The following TRPS1 variants were observed in gnomAD, a reference collection of about 807,000 sequenced individuals.
The protein encoded by TRPS1 is transcriptional repressor GATA binding 1.
Under a neutral mutation model 101.2 loss-of-function variants are expected in TRPS1, and 6 were observed. The observed-to-expected ratio is 0.06, with a 90% CI of 0.03 to 0.12. TRPS1 has a LOEUF of 0.12. Among genes scored for constraint, TRPS1 ranks in the 10% least tolerant of loss-of-function variants. The probability of loss-of-function intolerance (pLI) is 1.00; values close to 1 mark genes in which losing one functional copy is unlikely to be tolerated. For missense variants in TRPS1, 1,363 were observed against 1,567.0 expected, an observed-to-expected ratio of 0.87 and a Z score of 2.20; for synonymous variants, 578 against 589.8, an observed-to-expected ratio of 0.98 and a Z score of 0.29.
chr8:115,421,324 G>A (rs548815677), intron 5 of TRPS1, among the ~76,000 whole-genome samples: 2 of 151,808 alleles, frequency 1.3e-5, no homozygotes, highest in South Asian at 2.1e-4. Flanking sequence ...CAATTAAAAC[G>A]GTGCCAGGGA....
At chr8:115,650,854 C>A (rs1294104200) in intron 1 of TRPS1, among the ~76,000 whole-genome samples, 2 of 152,134 alleles carry the variant, frequency 1.3e-5, no homozygotes, top group Non-Finnish European at 2.9e-5. Context: ...GCAACATTAC[C>A]TATGGTTGTG....
chr8:115,591,906 T>C (rs1007633510), intron 4 of TRPS1, among the ~76,000 whole-genome samples: 5 of 152,164 alleles, frequency 3.3e-5, no homozygotes, highest in African/African-American at 7.2e-5. Context: ...ATTTCACAGA[T>C]AGTAAAATGG....
intron 5 of TRPS1, among the ~76,000 whole-genome samples, chr8:115,570,466 T>A (rs1817174643): frequency 6.6e-6 from 1 of 151,950 alleles, no homozygotes; most frequent in Non-Finnish European, 1.5e-5. Flanking sequence ...ATTTTAGACC[T>A]CCTAAAAGAT....
At chr8:115,648,542 G>A in intron 1 of TRPS1, among the ~76,000 whole-genome samples, 1 of 152,142 alleles carries the variant, frequency 6.6e-6, no homozygotes, top group East Asian at 1.9e-4. Flanking sequence ...CTCCTTCCCA[G>A]ACTGAGCCAA....
At chr8:115,567,651 C>A (rs566162144) in intron 5 of TRPS1, among the ~76,000 whole-genome samples, 7 of 152,192 alleles carry the variant, frequency 4.6e-5, no homozygotes, top group African/African-American at 1.7e-4. Flanking sequence ...ATATCTAAAG[C>A]AAGGATCCTT....
chr8:115,616,595 A>T lies in TRPS1; in HGVS notation c.966+2537T>A, dbSNP rs73365583. 4.7e-3 allele frequency among the ~76,000 whole-genome samples: 711 copies of T among 151,230 alleles called. 6 individuals are homozygous for T. The highest frequency in any genetic ancestry group is 0.017 in the African/African-American group (678 of 41,084). ...CCACCAACTGTTCTGAATGTTTTTT[A>T]AAAAGCAAGTTTAATTGAAAAGGAT... is the stretch of plus-strand genomic sequence containing the variant. On this transcript the variant is annotated intron_variant, in intron 3 of 6. Coordinates refer to ENST00000395715, the MANE Select transcript of TRPS1 (RefSeq NM_014112.5).
intron 5 of TRPS1, among the ~76,000 whole-genome samples, chr8:115,486,095 C>T (rs938163449): frequency 1.3e-5 from 2 of 152,156 alleles, no homozygotes. Context: ...TCTAAAGGAG[C>T]CATTTTCCCA....
intron 3 of TRPS1, among the ~76,000 whole-genome samples, chr8:115,605,214 C>T (rs1032133314): frequency 6.6e-6 from 1 of 152,186 alleles, no homozygotes; most frequent in African/African-American, 2.4e-5. Context: ...ATGTTATACA[C>T]TGTAGGCCAA....
At chr8:115,572,011 T>C (rs1274422525) in intron 5 of TRPS1, among the ~76,000 whole-genome samples, 1 of 152,154 alleles carries the variant, frequency 6.6e-6, no homozygotes, top group African/African-American at 2.4e-5. Flanking sequence ...GTTATTTACA[T>C]AATTAAACAA....
Position 115,414,213 on chromosome 8 carries a change from T to C in TRPS1, c.3695A>G (p.His1232Arg), listed in dbSNP as rs1395820429. 1.9e-6 allele frequency: 3 copies of C among 1,613,942 alleles called. No homozygotes were observed. Among genetic ancestry groups the C allele is most frequent in the East Asian group, 4.5e-5 (2 of 44,890 alleles). ...TQDELSTKCV[H>R]CGIVFLDEVM... Reference sequence around the variant, plus strand: ...TTCATCCAGAAAGACAATGCCACAGTGCACACATTTTGTTGAAAGTTCATC... The same window carrying C: ...TTCATCCAGAAAGACAATGCCACAGCGCACACATTTTGTTGAAAGTTCATC... The change falls in exon 7 of 7, where the codon CAC becomes CGC. Residue 1232 changes from histidine (H) to arginine (R), a missense_variant. By Grantham distance (29) the His-to-Arg change is conservative (BLOSUM62 0). This residue lies in a region of TRPS1 where 307 missense variants were observed against 392.4 expected (regional missense o/e 0.78). Coordinates refer to ENST00000395715, the MANE Select transcript of TRPS1 (RefSeq NM_014112.5). This position sits in a 1 kb window ranked among gnomAD's most constrained non-coding sequence, Gnocchi z 4.8.
chr8:115,604,961 T>C lies in TRPS1; in HGVS notation c.1008A>G (p.Thr336=), dbSNP rs749317963. ...ACTTGGTGTTCCCTTGGCAATCTGG[T>C]GTTTTCCGTCCAATGCCAATGAATG... ...GGTFIGIGRK[T]PDCQGNTKYF... Residue 336 remains threonine (T), a synonymous_variant, in exon 4 of 7, where the codon ACA becomes ACG. Coordinates refer to ENST00000395715, the MANE Select transcript of TRPS1 (RefSeq NM_014112.5). This position sits in a 1 kb window ranked among gnomAD's most constrained non-coding sequence, Gnocchi z 4.1. 2.8e-5 allele frequency: 45 copies of C among 1,613,838 alleles called. No homozygotes were observed. In the African/African-American group the frequency reaches 5.1e-4, roughly 18 times the overall value.
At chr8:115,601,219 G>T (rs1254034537) in intron 4 of TRPS1, among the ~76,000 whole-genome samples, 1 of 152,100 alleles carries the variant, frequency 6.6e-6, no homozygotes, top group East Asian at 1.9e-4. Flanking sequence ...ATATTTCACA[G>T]AAATAACACA....
At chr8:115,616,407 C>A (rs566625755) in intron 3 of TRPS1, among the ~76,000 whole-genome samples, 1 of 152,234 alleles carries the variant, frequency 6.6e-6, no homozygotes, top group Non-Finnish European at 1.5e-5. Flanking sequence ...CTTTTCCCAA[C>A]TGTATATCTC....
intron 5 of TRPS1, among the ~76,000 whole-genome samples, chr8:115,490,167 G>T (rs1401471250): frequency 2.0e-5 from 3 of 152,208 alleles, no homozygotes; most frequent in East Asian, 1.9e-4. Flanking sequence ...AGACAAGGAA[G>T]TTTTACTAGG....
At chr8:115,441,727 A>G (rs1813597337) in intron 5 of TRPS1, among the ~76,000 whole-genome samples, 1 of 152,218 alleles carries the variant, frequency 6.6e-6, no homozygotes, top group African/African-American at 2.4e-5. Context: ...GGCAAAAAGT[A>G]ATGTGGAAAC....
chr8:115,523,229 G>C (rs919938636), intron 5 of TRPS1, among the ~76,000 whole-genome samples: 1 of 152,052 alleles, frequency 6.6e-6, no homozygotes, highest in Non-Finnish European at 1.5e-5. Context: ...AGGCTTAAAA[G>C]GTTTCAGTAA....
rs557039528 is a variant in TRPS1 at position 115,636,945 on chromosome 8, A to C, written c.-121-13187T>G. On this transcript the variant is annotated intron_variant, in intron 1 of 6. Transcript: ENST00000395715. ...AACAAAACAAAAAAAGCAAAAAAAA[A>C]ACACACACAAAAAAGTAATCAGTAA... Among the ~76,000 whole-genome samples, 16 of 152,016 alleles carry C rather than the reference A, an allele frequency of 1.1e-4. 1 individual carries two copies. Among genetic ancestry groups the C allele is most frequent in the East Asian group, 7.7e-4 (4 of 5,182 alleles).
chr8:115,647,797 A>G (rs1196643215), intron 1 of TRPS1, among the ~76,000 whole-genome samples: 1 of 152,034 alleles, frequency 6.6e-6, no homozygotes, highest in Non-Finnish European at 1.5e-5. Flanking sequence ...TTCATTTGAG[A>G]TTATTTTTTC....
At chr8:115,652,915 C>T (rs1417798416) in intron 1 of TRPS1, among the ~76,000 whole-genome samples, 1 of 152,132 alleles carries the variant, frequency 6.6e-6, no homozygotes, top group Non-Finnish European at 1.5e-5. Flanking sequence ...AATTAAAATA[C>T]AGTTAAGTGT....
Sources: allele counts gnomAD v4.1 joint callset (sites outside exome capture counted in the v4.1 genomes callset), GRCh38; gene constraint gnomAD v4.1.1; regional missense constraint gnomAD v4.1.1; non-coding constraint Gnocchi (gnomAD v3.1); transcripts MANE v1.5; gene names NCBI Gene and HGNC (gene_info 2026-07-23, HGNC 2026-07-21).